ZSWIM5: variants seen among roughly 807,000 people sequenced by gnomAD.
The protein encoded by ZSWIM5 is zinc finger SWIM domain-containing protein 5.
A neutral mutation model predicts 119.6 loss-of-function variants in ZSWIM5; 55 were observed. That is an observed-to-expected ratio of 0.46 (90% CI 0.37 to 0.58). ZSWIM5 has a LOEUF of 0.58. Ranked by LOEUF, ZSWIM5 falls within the 20% of genes least tolerant of loss-of-function variation. The probability of loss-of-function intolerance (pLI) is 0.00; values close to 1 mark genes in which losing one functional copy is unlikely to be tolerated. For synonymous variants in ZSWIM5, 537 were observed against 606.9 expected, an observed-to-expected ratio of 0.88 and a Z score of 1.69; for missense variants, 1,193 against 1,512.8, an observed-to-expected ratio of 0.79 and a Z score of 3.51.
At chr1:45,106,866 C>A (rs1645483167) in intron 1 of ZSWIM5, among the ~76,000 whole-genome samples, 1 of 152,226 alleles carries the variant, frequency 6.6e-6, no homozygotes, top group Admixed American at 6.5e-5. Context: ...TTGTTCTGTA[C>A]TAAGAAAAAT....
At chr1:45,067,584 A>C (rs1645191634) in intron 2 of ZSWIM5, among the ~76,000 whole-genome samples, 1 of 152,246 alleles carries the variant, frequency 6.6e-6, no homozygotes, top group Admixed American at 6.5e-5. Context: ...AGATTAATCT[A>C]TAAGAAATGT....
intron 1 of ZSWIM5, among the ~76,000 whole-genome samples, chr1:45,139,237 C>T (rs1645709528): frequency 6.6e-6 from 1 of 151,974 alleles, no homozygotes; most frequent in Non-Finnish European, 1.5e-5. Context: ...GCTGTGGTGC[C>T]ATGGCACAAT....
At chr1:45,027,436 C>G (rs1399497554) in intron 11 of ZSWIM5, among the ~76,000 whole-genome samples, 1 of 151,958 alleles carries the variant, frequency 6.6e-6, no homozygotes, top group Non-Finnish European at 1.5e-5. Flanking sequence ...CTCGCTCTGT[C>G]GCCTAAGCTG....
chr1:45,206,279 C>G lies in ZSWIM5; in HGVS notation c.72G>C (p.Ser24=), dbSNP rs1315163871. 6.3e-7 allele frequency: 1 copy of G among 1,576,902 alleles called. No individual in the cohort carries two copies. The highest frequency in any genetic ancestry group is 1.3e-5 in the African/African-American group (1 of 74,074). Residue 24 remains serine, a synonymous_variant, in exon 1 of 14, where the codon TCG becomes TCC. Transcript: ENST00000359600. ...SPVSPAKRQC[S]WPSPQAHHPR... is the part of the protein sequence containing the mutation. Reference sequence around the variant, plus strand: ...GGTGATGAGCCTGCGGGCTGGGCCACGAACACTGCCGCTTAGCCGGAGAGA... The same window carrying G: ...GGTGATGAGCCTGCGGGCTGGGCCAGGAACACTGCCGCTTAGCCGGAGAGA...
intron 1 of ZSWIM5, among the ~76,000 whole-genome samples, chr1:45,114,070 G>A (rs1360008943): frequency 6.6e-6 from 1 of 152,200 alleles, no homozygotes; most frequent in African/African-American, 2.4e-5. Flanking sequence ...TGCTAAATTT[G>A]AGCAGTGACA....
chr1:45,131,335 A>T lies in ZSWIM5; in HGVS notation c.596-43098T>A, dbSNP rs547943865. Among the ~76,000 whole-genome samples the T allele has an allele frequency of 2.2e-4, 33 of 152,318 alleles. No homozygotes were observed. The South Asian group carries it at 6.2e-3, about 29-fold the overall frequency. ...CTCAAAATAAAAAGTTTAATAAAAA[A>T]CATATAATGCTTATAAAGATGAATA... On this transcript the variant is annotated intron_variant, in intron 1 of 13. Transcript: ENST00000359600.
intron 2 of ZSWIM5, among the ~76,000 whole-genome samples, chr1:45,066,324 C>G (rs1645183909): frequency 6.6e-6 from 1 of 152,008 alleles, no homozygotes; most frequent in Non-Finnish European, 1.5e-5. Flanking sequence ...AGAACCTGTG[C>G]CTGTGCCAAA....
chr1:45,051,390 G>T, intron 4 of ZSWIM5, 137 bp from the exon 5 acceptor site: 1 of 908,408 alleles, frequency 1.1e-6, no homozygotes, highest in East Asian at 2.9e-5. Context: ...AACTTGCTAA[G>T]ATTTTCAGAA....
rs149304614 is a variant in ZSWIM5, at chr1:45,163,764, T to C, written c.595+41992A>G. Among the ~76,000 whole-genome samples the C allele has an allele frequency of 1.7e-3, 259 of 152,000 alleles. 2 individuals carry two copies. Among genetic ancestry groups the C allele is most frequent in the Admixed American group, 0.014 (211 of 15,270 alleles). ...AATGAATGAAGTCAGAAGAGAAGCTTAGAGAAAAAAGAGTAAAAAGAAATG... is the reference window on the plus strand; with the variant it reads ...AATGAATGAAGTCAGAAGAGAAGCTCAGAGAAAAAAGAGTAAAAAGAAATG... On this transcript the variant is annotated intron_variant, in intron 1 of 13. Coordinates refer to ENST00000359600, the MANE Select transcript of ZSWIM5 (RefSeq NM_020883.2).
chr1:45,200,285 A>G (rs1189453152), intron 1 of ZSWIM5, among the ~76,000 whole-genome samples: 1 of 152,320 alleles, frequency 6.6e-6, no homozygotes, highest in East Asian at 1.9e-4. Context: ...ACATAATACT[A>G]CAGCTAATAT....
In ZSWIM5 at chr1:45,088,462, G is replaced by C. The variant is rs999151525; in HGVS notation, c.596-225C>G. Among the ~76,000 whole-genome samples, 2 of 152,168 alleles carry C rather than the reference G, an allele frequency of 1.3e-5. No individual in the cohort carries two copies. The highest frequency in any genetic ancestry group is 2.9e-5 in the Non-Finnish European group (2 of 68,034). ...TCACCCTGGAGTTCGTGAACCTCCT[G>C]AACTCACACTGATATGAAAACTTTA... On this transcript the variant is annotated intron_variant, in intron 1 of 13. Coordinates refer to ENST00000359600, the MANE Select transcript of ZSWIM5 (RefSeq NM_020883.2). The surrounding 1 kb of genome is among the most constrained non-coding windows in gnomAD (Gnocchi z 4.2).
intron 10 of ZSWIM5, among the ~76,000 whole-genome samples, chr1:45,035,415 C>T (rs2148991482): frequency 6.6e-6 from 1 of 152,272 alleles, no homozygotes; most frequent in African/African-American, 2.4e-5. Context: ...AACAGGAAGA[C>T]TCAGGTCTTA....
intron 1 of ZSWIM5, among the ~76,000 whole-genome samples, chr1:45,125,483 C>CAAAAAAAAACA (rs58335990): frequency 6.7e-6 from 1 of 150,302 alleles, no homozygotes; most frequent in African/African-American, 2.5e-5. Context: ...TGCTTTACAT[C>CAAAAAAAAACA]AAAAAAAACA....
rs1317541146 is a variant in ZSWIM5 at position 45,016,754 on chromosome 1, A to G, written c.*1700T>C. On this transcript the variant is annotated 3_prime_UTR_variant, in exon 14 of 14. Transcript: ENST00000359600. Reference sequence around the variant, plus strand: ...TCAGGAACTAAGACATGAAACAGTAAACACCAAGACACTGGTTCCAACTGA... The same window carrying G: ...TCAGGAACTAAGACATGAAACAGTAGACACCAAGACACTGGTTCCAACTGA... 1 of 152,258 alleles carries G rather than the reference A, an allele frequency of 6.6e-6. No individual in the cohort carries two copies. Among genetic ancestry groups the G allele is most frequent in the Non-Finnish European group, 1.5e-5 (1 of 68,058 alleles). 9.4% of individuals were successfully genotyped at this position (152,258 alleles called of 1,614,324 possible).
intron 1 of ZSWIM5, among the ~76,000 whole-genome samples, chr1:45,099,889 A>G (rs1312131840): frequency 3.9e-5 from 6 of 152,206 alleles, no homozygotes; most frequent in Non-Finnish European, 5.9e-5. Flanking sequence ...GTATTGATGT[A>G]ACGTATCTCA....
chr1:45,074,695 G>T (rs568991755), intron 2 of ZSWIM5, among the ~76,000 whole-genome samples: 141 of 150,800 alleles, frequency 9.4e-4, no homozygotes, highest in Non-Finnish European at 1.6e-3. Flanking sequence ...GATTTTTTTT[G>T]TATTGTTTTC....
At position 45,018,368 on chromosome 1, in the gene ZSWIM5, A is replaced by T. The variant is rs1644867641; in HGVS notation, c.*86T>A. ...ATCCACAGGTGCTCAGAGTTCTCTCAGGGTGGACAAATGTTTCAGTGCCCT... is the reference window on the plus strand; with the variant it reads ...ATCCACAGGTGCTCAGAGTTCTCTCTGGGTGGACAAATGTTTCAGTGCCCT... On this transcript the variant is annotated 3_prime_UTR_variant, in exon 14 of 14. Transcript: ENST00000359600. This position sits in a 1 kb window ranked among gnomAD's most constrained non-coding sequence, Gnocchi z 6.7. The T allele has an allele frequency of 9.2e-6, 14 of 1,521,924 alleles. No homozygotes were observed. Among genetic ancestry groups the T allele is most frequent in the Middle Eastern group, 4.8e-4 (2 of 4,138 alleles). 94.3% of individuals were successfully genotyped at this position (1,521,924 alleles called of 1,614,324 possible).
intron 1 of ZSWIM5, among the ~76,000 whole-genome samples, chr1:45,107,216 A>G (rs1645486406): frequency 6.7e-6 from 1 of 149,028 alleles, no homozygotes; most frequent in Admixed American, 6.7e-5. Flanking sequence ...AATAAATACT[A>G]AAAAAAAAAG....
chr1:45,142,665 CA>C (rs1242043537), intron 1 of ZSWIM5, among the ~76,000 whole-genome samples: 2 of 151,842 alleles, frequency 1.3e-5, no homozygotes, highest in South Asian at 2.1e-4. Context: ...AATAGGTGGC[CA>C]AAAACTTTCT....
Sources: allele counts gnomAD v4.1 joint callset (sites outside exome capture counted in the v4.1 genomes callset), GRCh38; gene constraint gnomAD v4.1.1; non-coding constraint Gnocchi (gnomAD v3.1); transcripts MANE v1.5; gene names NCBI Gene and HGNC (gene_info 2026-07-23, HGNC 2026-07-21).